Variants in TLE3 observed in about 807,000 individuals in gnomAD.
TLE3 encodes transducin-like enhancer protein 3.
Under a neutral mutation model 93.0 loss-of-function variants are expected in TLE3, and 14 were observed. The observed-to-expected ratio is 0.15, with a 90% CI of 0.10 to 0.24. The LOEUF (loss-of-function observed/expected upper bound fraction) is 0.24, where lower values mean the gene tolerates loss of function less well. Ranked by LOEUF, TLE3 falls within the 10% of genes least tolerant of loss-of-function variation. The pLI is 1.00. For synonymous variants in TLE3, 451 were observed against 425.0 expected (o/e 1.06, Z -0.75); for missense variants, 693 against 1,046.6 (o/e 0.66, Z 4.66).
intron 6 of TLE3, among the ~76,000 whole-genome samples, chr15:70,068,853 G>C (rs1257159161): frequency 6.6e-6 from 1 of 152,304 alleles, no homozygotes; most frequent in Admixed American, 6.5e-5. Context: ...CTTCAGGTCA[G>C]AATGGATTTC....
chr15:70,096,318 A>G, intron 1 of TLE3, 57 bp from the exon 2 acceptor site: 3 of 1,545,944 alleles, frequency 1.9e-6, no homozygotes, highest in Non-Finnish European at 2.6e-6. Flanking sequence ...CCGCGCTCAG[A>G]GCGGCCCCGG....
intron 8 of TLE3, among the ~76,000 whole-genome samples, chr15:70,062,420 C>T (rs930158958): frequency 9.2e-5 from 14 of 152,324 alleles, no homozygotes; most frequent in African/African-American, 2.2e-4. Context: ...TTTCTCCTCG[C>T]GACCCGGTGC....
intron 4 of TLE3, among the ~76,000 whole-genome samples, chr15:70,082,116 A>G (rs2057808768): frequency 6.6e-6 from 1 of 152,180 alleles, no homozygotes; most frequent in African/African-American, 2.4e-5. Context: ...CCCAGCAGCC[A>G]GGCGCCAATC....
chr15:70,094,840 AT>A, intron 3 of TLE3: 1 of 449,864 alleles, frequency 2.2e-6, no homozygotes, highest in Non-Finnish European at 4.0e-6. Flanking sequence ...CATGTGCCCT[AT>A]ATCCTGTTTA....
rs1250986437 is a variant in TLE3 at position 70,049,563 on chromosome 15, A to G, written c.*534T>C. ...ACCACCACGAGTGGATTACAAATAC[A>G]GCAGGCGAAATACACACTCAGAGTT... is the stretch of plus-strand genomic sequence containing the variant. On this transcript the variant is annotated 3_prime_UTR_variant, in exon 20 of 20. Transcript: ENST00000451782. 1 of 151,234 alleles carries G rather than the reference A, an allele frequency of 6.6e-6. No homozygotes were observed. The highest frequency in any genetic ancestry group is 1.5e-5 in the Non-Finnish European group (1 of 67,958). The allele number at this position is 151,234 out of a possible 1,614,324, so 9.4% of individuals were successfully genotyped here.
intron 1 of TLE3, 165 bp from the exon 2 acceptor site, chr15:70,096,426 C>T: frequency 1.6e-6 from 2 of 1,287,670 alleles, no homozygotes; most frequent in Non-Finnish European, 1.0e-6. Flanking sequence ...GGGGGGCGCC[C>T]CATCTCTCCC....
chr15:70,066,177 G>A lies in TLE3; in HGVS notation c.414C>T (p.His138=), dbSNP rs770041499. Residue 138 remains histidine (H), a synonymous_variant, in exon 7 of 20, where the codon CAC becomes CAT. Transcript: ENST00000451782. The part of the protein sequence containing the change: ...LQAQHLSHAT[H]GPPVQLPPHP... ...GGGGTGGCAACTGGACCGGGGGGCC[G>A]TGTGTGGCATGGGAGAGGTGCTGCG... 51 of 1,544,522 alleles carry A rather than the reference G, an allele frequency of 3.3e-5. No individual in the cohort carries two copies. In the East Asian group the frequency reaches 3.7e-4, roughly 11 times the overall value.
intron 4 of TLE3, among the ~76,000 whole-genome samples, chr15:70,090,995 G>T (rs570183497): frequency 1.3e-5 from 2 of 152,348 alleles, no homozygotes; most frequent in African/African-American, 4.8e-5. Flanking sequence ...TTCATTTCTT[G>T]AGTCTTACAG....
chr15:70,051,566 G>T, intron 18 of TLE3, 99 bp from the exon 19 acceptor site: 1 of 933,860 alleles, frequency 1.1e-6, no homozygotes, highest in Non-Finnish European at 1.5e-6. Flanking sequence ...AAAGCAGTGA[G>T]AACTGCTAAC....
chr15:70,063,644 A>G (rs2056636039), intron 8 of TLE3, among the ~76,000 whole-genome samples: 1 of 152,226 alleles, frequency 6.6e-6, no homozygotes, highest in Non-Finnish European at 1.5e-5. Context: ...CCCCAGATAC[A>G]AGGACAGCGA....
intron 4 of TLE3, among the ~76,000 whole-genome samples, chr15:70,082,513 C>T (rs1038292610): frequency 1.3e-5 from 2 of 152,206 alleles, no homozygotes; most frequent in Admixed American, 6.5e-5. Flanking sequence ...TGAAGGTTCA[C>T]ATCACAGATC....
intron 12 of TLE3, 152 bp from the exon 13 acceptor site, chr15:70,057,810 T>A: frequency 2.1e-6 from 2 of 968,146 alleles, no homozygotes; most frequent in Non-Finnish European, 1.5e-6. Context: ...ATCCCTGCCT[T>A]CAGAGCCAAA....
At position 70,097,104 on chromosome 15, in the gene TLE3, C is replaced by T. The variant is rs1001667299; in HGVS notation, c.-306G>A. 4.5e-5 allele frequency: 21 copies of T among 465,482 alleles called. No individual in the cohort carries two copies. The highest frequency in any genetic ancestry group is 4.1e-4 in the African/African-American group (20 of 48,580). The allele number at this position is 465,482 out of a possible 1,614,324, so 28.8% of individuals were successfully genotyped here. Reference sequence around the variant, plus strand: ...GCCGCCTTCCCTGGGCTGCGTCGAGCGCGTCAATGCCTGGGACTGCGCGGA... The same window carrying T: ...GCCGCCTTCCCTGGGCTGCGTCGAGTGCGTCAATGCCTGGGACTGCGCGGA... On this transcript the variant is annotated 5_prime_UTR_variant, in exon 1 of 20. Coordinates refer to ENST00000451782, the MANE Select transcript of TLE3 (RefSeq NM_001105192.3).
intron 6 of TLE3, among the ~76,000 whole-genome samples, chr15:70,069,369 G>A (rs114224116): frequency 6.6e-6 from 1 of 152,156 alleles, no homozygotes; most frequent in Non-Finnish European, 1.5e-5. Context: ...ACATGAACCA[G>A]TGAACCGACG....
At chr15:70,083,485 A>C (rs2057886812) in intron 4 of TLE3, among the ~76,000 whole-genome samples, 2 of 149,834 alleles carry the variant, frequency 1.3e-5, no homozygotes, top group South Asian at 2.2e-4. Context: ...CCTTCCCCCA[A>C]CACTGCCCAT....
At chr15:70,067,514 G>A (rs1018799795) in intron 6 of TLE3, among the ~76,000 whole-genome samples, 1 of 152,134 alleles carries the variant, frequency 6.6e-6, no homozygotes, top group Non-Finnish European at 1.5e-5. Context: ...TCATTCCTAA[G>A]AAGATCCCCA....
intron 4 of TLE3, among the ~76,000 whole-genome samples, chr15:70,090,866 G>A (rs528087749): frequency 1.3e-5 from 2 of 152,198 alleles, no homozygotes; most frequent in Non-Finnish European, 2.9e-5. Context: ...TATACAACCC[G>A]AAATGGGGCA....
intron 8 of TLE3, among the ~76,000 whole-genome samples, chr15:70,062,708 G>A (rs548395764): frequency 4.5e-4 from 66 of 146,334 alleles, no homozygotes; most frequent in African/African-American, 1.5e-3. Context: ...CCTTCCTGCC[G>A]TAGGCCTCAT....
chr15:70,069,802 G>A (rs1300691566), intron 6 of TLE3, among the ~76,000 whole-genome samples: 1 of 152,278 alleles, frequency 6.6e-6, no homozygotes, highest in Middle Eastern at 3.2e-3. Flanking sequence ...GTGGGGGCCA[G>A]TGGGCAAAGC....
Sources: allele counts gnomAD v4.1 joint callset (sites outside exome capture counted in the v4.1 genomes callset), GRCh38; gene constraint gnomAD v4.1.1; transcripts MANE v1.5; gene names NCBI Gene and HGNC (gene_info 2026-07-23, HGNC 2026-07-21).